Variants in CTNNA3 observed in about 807,000 individuals in gnomAD.
CTNNA3 encodes the protein catenin alpha 3, also known as catenin alpha-3.
CTNNA3 carries 76 observed loss-of-function variants against 95.7 expected under a neutral mutation model. The ratio of observed to expected loss-of-function variants is 0.79; its 90% CI spans 0.66 to 0.96. The LOEUF is 0.96. CTNNA3 is among the 40% of genes least tolerant of loss of function. The pLI is 0.00. For synonymous variants in CTNNA3, 431 were observed against 374.4 expected, an observed-to-expected ratio of 1.15 and a Z score of -1.74; for missense variants, 1,191 against 1,089.8, an observed-to-expected ratio of 1.09 and a Z score of -1.31.
intron 9 of CTNNA3, among the ~76,000 whole-genome samples, chr10:66,685,664 A>G (rs10997303): frequency 0.55 from 83,241 of 150,666 alleles, 23,684 homozygotes; most frequent in African/African-American, 0.68. Flanking sequence ...GAGACACCGC[A>G]CCAGGCCAAG....
intron 9 of CTNNA3, among the ~76,000 whole-genome samples, chr10:66,728,329 A>T (rs906914269): frequency 7.2e-5 from 11 of 152,216 alleles, no homozygotes; most frequent in Non-Finnish European, 1.5e-4. Flanking sequence ...TCTGGATATT[A>T]GACCTTTGTC....
intron 15 of CTNNA3, among the ~76,000 whole-genome samples, chr10:66,002,394 C>T (rs2078788151): frequency 6.6e-6 from 1 of 152,216 alleles, no homozygotes; most frequent in South Asian, 2.1e-4. Context: ...TCCTGAAGAA[C>T]TTTTGGGATT....
intron 12 of CTNNA3, among the ~76,000 whole-genome samples, chr10:66,342,187 C>T (rs1370594879): frequency 6.6e-6 from 1 of 151,888 alleles, no homozygotes; most frequent in East Asian, 1.9e-4. Flanking sequence ...CTAAACCGTA[C>T]TTAGCATTTA....
At chr10:66,653,533 G>A (rs536537242) in intron 9 of CTNNA3, among the ~76,000 whole-genome samples, 1 of 151,930 alleles carries the variant, frequency 6.6e-6, no homozygotes, top group Non-Finnish European at 1.5e-5. Flanking sequence ...ATTATTCCAA[G>A]CAATCTACAT....
At chr10:67,167,870 C>T (rs371295070) in intron 7 of CTNNA3, among the ~76,000 whole-genome samples, 24 of 152,244 alleles carry the variant, frequency 1.6e-4, no homozygotes, top group African/African-American at 4.3e-4. Flanking sequence ...TAGTGGCTCA[C>T]GCCTATAATC....
chr10:66,560,812 A>T (rs1270982897), intron 10 of CTNNA3, among the ~76,000 whole-genome samples: 3 of 151,888 alleles, frequency 2.0e-5, no homozygotes, highest in African/African-American at 7.3e-5. Context: ...ATGCGTCTAT[A>T]AAAAAAGAAA....
chr10:67,246,985 C>T (rs1292411552), intron 5 of CTNNA3, among the ~76,000 whole-genome samples: 1 of 152,152 alleles, frequency 6.6e-6, no homozygotes, highest in African/African-American at 2.4e-5. Flanking sequence ...GGAATGCATA[C>T]TCAGAGACAG....
intron 7 of CTNNA3, among the ~76,000 whole-genome samples, chr10:67,042,929 G>A (rs965929990): frequency 6.6e-6 from 1 of 152,044 alleles, no homozygotes; most frequent in African/African-American, 2.4e-5. Flanking sequence ...ATATTCGAAC[G>A]CTATAAAAGA....
chr10:67,749,711 G>C (rs1354353769), intron 1 of CTNNA3, among the ~76,000 whole-genome samples: 1 of 152,148 alleles, frequency 6.6e-6, no homozygotes, highest in Non-Finnish European at 1.5e-5. Context: ...CAGAAAGCAA[G>C]AAAGATCTTG....
At chr10:67,327,625 C>T (rs1841594186) in intron 5 of CTNNA3, among the ~76,000 whole-genome samples, 1 of 152,150 alleles carries the variant, frequency 6.6e-6, no homozygotes, top group South Asian at 2.1e-4. Flanking sequence ...GAATGAGGTG[C>T]TCCCAGACCA....
chr10:66,492,251 C>T (rs1319560293), intron 11 of CTNNA3, among the ~76,000 whole-genome samples: 2 of 151,994 alleles, frequency 1.3e-5, no homozygotes, highest in Non-Finnish European at 2.9e-5. Flanking sequence ...TTATAGGAGG[C>T]CCAATTTCTA....
chr10:66,726,173 T>G (rs191484938), intron 9 of CTNNA3, among the ~76,000 whole-genome samples: 1 of 152,070 alleles, frequency 6.6e-6, no homozygotes, highest in African/African-American at 2.4e-5. Context: ...ATTTTAGAAA[T>G]ACTCTCCTTT....
intron 13 of CTNNA3, among the ~76,000 whole-genome samples, chr10:66,147,128 G>A (rs920587222): frequency 1.3e-5 from 2 of 152,032 alleles, no homozygotes; most frequent in Non-Finnish European, 2.9e-5. Context: ...ATGGGGAACA[G>A]TGCCATTACC....
At chr10:67,187,230 A>C (rs533030870) in intron 6 of CTNNA3, among the ~76,000 whole-genome samples, 3 of 152,284 alleles carry the variant, frequency 2.0e-5, no homozygotes, top group Non-Finnish European at 4.4e-5. Flanking sequence ...TTGTTATCTT[A>C]TTTAACCATT....
intron 9 of CTNNA3, among the ~76,000 whole-genome samples, chr10:66,658,775 C>T (rs1846155116): frequency 6.6e-6 from 1 of 152,128 alleles, no homozygotes; most frequent in African/African-American, 2.4e-5. Flanking sequence ...TTGACTGCAA[C>T]CTGTGCCTCA....
chr10:66,803,690 G>A (rs2132240881), intron 7 of CTNNA3, among the ~76,000 whole-genome samples: 1 of 152,118 alleles, frequency 6.6e-6, no homozygotes, highest in South Asian at 2.1e-4. Flanking sequence ...TTACAGATGA[G>A]CAACTGAAGC....
chr10:66,803,017 AT>A (rs552546558), intron 7 of CTNNA3, among the ~76,000 whole-genome samples: 6 of 151,090 alleles, frequency 4.0e-5, no homozygotes, highest in South Asian at 2.1e-4. Flanking sequence ...GGAAATATTC[AT>A]TTTTTTTTAG....
intron 7 of CTNNA3, among the ~76,000 whole-genome samples, chr10:67,007,619 G>C (rs1852074011): frequency 6.6e-6 from 1 of 151,776 alleles, no homozygotes; most frequent in Non-Finnish European, 1.5e-5. Context: ...GCTTTTTTCT[G>C]AAACCCTTGC....
chr10:67,373,600 G>T (rs770970014), intron 5 of CTNNA3, among the ~76,000 whole-genome samples: 68 of 131,146 alleles, frequency 5.2e-4, no homozygotes, highest in Non-Finnish European at 7.1e-4. Context: ...TCCAGGAATT[G>T]AACTCAGCTC....
Sources: allele counts gnomAD v4.1 joint callset (sites outside exome capture counted in the v4.1 genomes callset), GRCh38; gene constraint gnomAD v4.1.1; transcripts MANE v1.5; gene names NCBI Gene and HGNC (gene_info 2026-07-23, HGNC 2026-07-21).